Variants in AK8 observed in about 807,000 individuals in gnomAD.
The protein encoded by AK8 is adenylate kinase 8.
Under a neutral mutation model 54.6 loss-of-function variants are expected in AK8, and 44 were observed. The observed-to-expected ratio is 0.81, with a 90% CI of 0.63 to 1.04. AK8 has a LOEUF of 1.04. Among genes scored for constraint, AK8 ranks in the 50% least tolerant of loss-of-function variants. AK8 has a pLI of 0.00. For missense variants in AK8, 555 were observed against 613.6 expected (o/e 0.90, Z 1.01); for synonymous variants, 239 against 245.6 (o/e 0.97, Z 0.25).
At chr9:132,838,874 A>T (rs752949290) in intron 5 of AK8, among the ~76,000 whole-genome samples, 1 of 152,190 alleles carries the variant, frequency 6.6e-6, no homozygotes, top group Non-Finnish European at 1.5e-5. Flanking sequence ...AATGCATCAC[A>T]GTGTGACGTG....
At chr9:132,728,621 G>A (rs924579657) in intron 11 of AK8, among the ~76,000 whole-genome samples, 2 of 152,160 alleles carry the variant, frequency 1.3e-5, no homozygotes, top group Non-Finnish European at 2.9e-5. Context: ...TACCCTTCCT[G>A]GGAGTTCAGG....
In AK8 at chr9:132,857,506, T is replaced by C. The variant is rs1025024668; in HGVS notation, c.334-2581A>G. Among the ~76,000 whole-genome samples, 3 of 152,094 alleles carry C rather than the reference T, an allele frequency of 2.0e-5. No homozygotes were observed. In the East Asian group the frequency reaches 5.8e-4, roughly 29 times the overall value. ...ACAGGAAGCAGCCCTGTCCCTTCCC[T>C]CTGCATCCCCCCTCCGTCTCATCCT... On this transcript the variant is annotated intron_variant, in intron 4 of 12. Coordinates refer to ENST00000298545, the MANE Select transcript of AK8 (RefSeq NM_152572.3).
intron 11 of AK8, among the ~76,000 whole-genome samples, chr9:132,784,932 A>G (rs1287034001): frequency 1.3e-5 from 2 of 152,178 alleles, no homozygotes; most frequent in African/African-American, 2.4e-5. Flanking sequence ...TTAAAAACAG[A>G]ATATAATTGT....
intron 11 of AK8, among the ~76,000 whole-genome samples, chr9:132,787,794 G>T (rs1280335115): frequency 6.6e-6 from 1 of 152,154 alleles, no homozygotes; most frequent in Non-Finnish European, 1.5e-5. Flanking sequence ...TGTTTCCGGT[G>T]TAACAGTCCA....
In AK8 at chr9:132,828,855, C is replaced by T. The variant is rs181462080; in HGVS notation, c.403-129G>A. 4,337 of 558,458 alleles carry T rather than the reference C, an allele frequency of 7.8e-3. 29 individuals carry two copies. The highest frequency in any genetic ancestry group is 0.01 in the Non-Finnish European group (3,332 of 328,346). 34.6% of individuals were successfully genotyped at this position (558,458 alleles called of 1,614,324 possible). A position where few individuals can be genotyped will look rare whatever the true frequency, so the allele number is the denominator to read the frequency against. On this transcript the variant is annotated intron_variant, in intron 5 of 12. Transcript: ENST00000298545. The stretch of plus-strand genomic sequence containing the variant: ...AAGACAAAAAAAATGTTTCTGATAG[C>T]TACCTCACCCTTCTTTAAAAACTAC...
At chr9:132,828,199 TA>T (rs1841959077) in intron 6 of AK8, 115 bp from the exon 7 acceptor site, 2 of 879,268 alleles carry the variant, frequency 2.3e-6, no homozygotes, top group African/African-American at 3.4e-5. Flanking sequence ...ATAATGACAT[TA>T]AAACAACAAT....
chr9:132,741,891 T>G (rs921158748), intron 11 of AK8, among the ~76,000 whole-genome samples: 1 of 152,182 alleles, frequency 6.6e-6, no homozygotes, highest in Non-Finnish European at 1.5e-5. Context: ...TCACAAGACA[T>G]GGCTCTCCAA....
intron 11 of AK8, among the ~76,000 whole-genome samples, chr9:132,735,714 T>G (rs1446612560): frequency 6.6e-6 from 1 of 152,190 alleles, no homozygotes; most frequent in East Asian, 1.9e-4. Context: ...CTTCGGAGGA[T>G]ATAACCAAAA....
intron 10 of AK8, among the ~76,000 whole-genome samples, chr9:132,795,241 C>T (rs1201150187): frequency 6.6e-6 from 1 of 152,116 alleles, no homozygotes; most frequent in Non-Finnish European, 1.5e-5. Flanking sequence ...AGAGTCGGTT[C>T]CTTCCAGAGT....
intron 4 of AK8, among the ~76,000 whole-genome samples, chr9:132,857,689 A>T (rs796740238): frequency 1.3e-5 from 2 of 152,286 alleles, no homozygotes; most frequent in South Asian, 4.1e-4. Flanking sequence ...TACAGGATGC[A>T]GAGAAGGGTG....
At chr9:132,728,933 C>T (rs1292625405) in intron 11 of AK8, among the ~76,000 whole-genome samples, 2 of 150,880 alleles carry the variant, frequency 1.3e-5, no homozygotes, top group African/African-American at 4.9e-5. Flanking sequence ...GAGGCAGGGT[C>T]TCACATTGTT....
chr9:132,726,951 C>T (rs997781034), intron 12 of AK8, among the ~76,000 whole-genome samples: 2 of 147,696 alleles, frequency 1.4e-5, no homozygotes, highest in Non-Finnish European at 1.5e-5. Context: ...CAACACCCGC[C>T]TCTTAGTGAT....
intron 11 of AK8, among the ~76,000 whole-genome samples, chr9:132,746,403 T>C (rs539430738): frequency 8.5e-5 from 13 of 152,302 alleles, no homozygotes; most frequent in African/African-American, 2.9e-4. Context: ...CATACCCTTC[T>C]GCAGACACCA....
At chr9:132,769,836 T>G (rs1255153380) in intron 11 of AK8, 1 of 152,182 alleles carries the variant, frequency 6.6e-6, no homozygotes, top group East Asian at 1.9e-4. Flanking sequence ...CATCACCGCC[T>G]TGTCCGCCCC....
chr9:132,823,137 T>C, intron 9 of AK8, 68 bp downstream of exon 9: 2 of 1,481,798 alleles, frequency 1.3e-6, no homozygotes, highest in Non-Finnish European at 1.8e-6. Flanking sequence ...AAATGAGAGC[T>C]GGGGAGGAGG....
intron 10 of AK8, among the ~76,000 whole-genome samples, chr9:132,812,529 G>GCACCCAC (rs1564415071): frequency 6.8e-6 from 1 of 147,180 alleles, no homozygotes; most frequent in East Asian, 1.9e-4. Flanking sequence ...GTGAGCTACC[G>GCACCCAC]TGCCCACTGG....
intron 8 of AK8, among the ~76,000 whole-genome samples, chr9:132,825,512 C>G (rs1588176194): frequency 6.6e-6 from 1 of 152,208 alleles, no homozygotes; most frequent in Non-Finnish European, 1.5e-5. Flanking sequence ...TACTAATGAC[C>G]CTTCCGAGAT....
intron 11 of AK8, among the ~76,000 whole-genome samples, chr9:132,783,075 ATTAAG>A (rs1409129501): frequency 6.6e-6 from 1 of 152,218 alleles, no homozygotes; most frequent in Non-Finnish European, 1.5e-5. Context: ...TGCAGATTGG[ATTAAG>A]TTAAGGACTG....
chr9:132,750,067 TGGGAG>T (rs1837837237), intron 11 of AK8, among the ~76,000 whole-genome samples: 1 of 150,422 alleles, frequency 6.6e-6, no homozygotes, highest in Non-Finnish European at 1.5e-5. Flanking sequence ...TGGGGAGGCC[TGGGAG>T]GCCCTGATGC....
Sources: allele counts gnomAD v4.1 joint callset (sites outside exome capture counted in the v4.1 genomes callset), GRCh38; gene constraint gnomAD v4.1.1; transcripts MANE v1.5; gene names NCBI Gene and HGNC (gene_info 2026-07-23, HGNC 2026-07-21).